The following TYRP1 variants were observed in gnomAD, a reference collection of about 807,000 sequenced individuals.
The protein encoded by TYRP1 is 5,6-dihydroxyindole-2-carboxylic acid oxidase.
Under a neutral mutation model 42.8 loss-of-function variants are expected in TYRP1, and 49 were observed. The observed-to-expected ratio is 1.14, with a 90% CI of 0.91 to 1.45. The LOEUF (loss-of-function observed/expected upper bound fraction) is 1.45, where lower values mean the gene tolerates loss of function less well. Among genes scored for constraint, TYRP1 ranks in the 40% most tolerant of loss-of-function variants. The pLI, the probability that TYRP1 is intolerant of heterozygous loss-of-function variation, is 0.00. For synonymous variants in TYRP1, 279 were observed against 235.4 expected, an observed-to-expected ratio of 1.19 and a Z score of -1.69; for missense variants, 848 against 662.0, an observed-to-expected ratio of 1.28 and a Z score of -3.08.
At chr9:12,695,916 TTCAGAATCA>T in intron 3 of TYRP1, 79 bp downstream of exon 3, 3 of 1,475,416 alleles carry the variant, frequency 2.0e-6, no homozygotes, top group Non-Finnish European at 2.8e-6. Context: ...TTCACTAGTT[TTCAGAATCA>T]TCAGAACATT....
chr9:12,703,774 G>A (rs192633013), intron 5 of TYRP1, among the ~76,000 whole-genome samples: 75 of 151,608 alleles, frequency 4.9e-4, no homozygotes, highest in South Asian at 3.5e-3. Flanking sequence ...TCAACCCTCT[G>A]GTCCTTCAAC....
At chr9:12,695,076 T>G (rs1818054502) in intron 2 of TYRP1, among the ~76,000 whole-genome samples, 1 of 152,158 alleles carries the variant, frequency 6.6e-6, no homozygotes, top group Admixed American at 6.6e-5. Context: ...TATCCACATT[T>G]TAATGATTAA....
Position 12,698,658 on chromosome 9 carries a change from A to C in TYRP1, c.913+3A>C, listed in dbSNP as rs1215054252. On this transcript the variant is annotated splice_donor_region_variant and intron_variant, in intron 4 of 7. Transcript: ENST00000388918. Reference sequence around the variant, plus strand: ...TACCCTGGGAACACTTTGTAACAGTAAGTTCCAAATGATAGCTTGGAGTCA... The same window carrying C: ...TACCCTGGGAACACTTTGTAACAGTCAGTTCCAAATGATAGCTTGGAGTCA... The C allele has an allele frequency of 6.2e-7, 1 of 1,612,662 alleles. No homozygotes were observed. Among genetic ancestry groups the C allele is most frequent in the Non-Finnish European group, 8.5e-7 (1 of 1,178,878 alleles).
intron 4 of TYRP1, 54 bp downstream of exon 4, chr9:12,698,709 A>G: frequency 1.3e-6 from 2 of 1,535,588 alleles, no homozygotes; most frequent in East Asian, 4.5e-5. Flanking sequence ...TAAAGAGATT[A>G]AATATGTTGC....
intron 4 of TYRP1, chr9:12,701,749 C>G (rs1225340938): frequency 6.5e-6 from 1 of 154,204 alleles, no homozygotes. Context: ...CATTATTTCT[C>G]ACATTAATTG....
rs1359909837 is a variant in TYRP1, at chr9:12,709,906, A to G, written c.*724A>G. On this transcript the variant is annotated 3_prime_UTR_variant, in exon 8 of 8. Transcript: ENST00000388918. ...CAATTCGCTGAAAAAGGAACTACCT[A>G]TCCTTACATTTCACCTACTAATGTC... is the stretch of plus-strand genomic sequence containing the variant. 3 of 152,712 alleles carry G rather than the reference A, an allele frequency of 2.0e-5. No homozygotes were observed. In the East Asian group the frequency reaches 5.8e-4, roughly 30 times the overall value. 9.5% of individuals were successfully genotyped at this position (152,712 alleles called of 1,614,324 possible).
chr9:12,709,414 T>A lies in TYRP1; in HGVS notation c.*232T>A, dbSNP rs1393626802. ...AAATGGTGAATGACACTAAACTCCA[T>A]GATATTTAAGGATAGTGTGAAGATC... On this transcript the variant is annotated 3_prime_UTR_variant, in exon 8 of 8. Coordinates refer to ENST00000388918, the MANE Select transcript of TYRP1 (RefSeq NM_000550.3). The A allele has an allele frequency of 3.7e-6, 2 of 535,598 alleles. No homozygotes were observed. The highest frequency in any genetic ancestry group is 1.9e-5 in the African/African-American group (1 of 52,362). The allele number at this position is 535,598 out of a possible 1,614,324, so 33.2% of individuals were successfully genotyped here. A position where few individuals can be genotyped will look rare whatever the true frequency, so the allele number is the denominator to read the frequency against.
chr9:12,709,119 T>G lies in TYRP1; in HGVS notation c.1551T>G (p.Asp517Glu). The G allele has an allele frequency of 6.2e-7, 1 of 1,612,738 alleles. No individual in the cohort carries two copies. Among genetic ancestry groups the G allele is most frequent in the Non-Finnish European group, 8.5e-7 (1 of 1,179,174 alleles). The change falls in exon 8 of 8, where the codon GAT becomes GAG. Residue 517 changes from aspartate to glutamate, a missense_variant. By Grantham distance (45) the Asp-to-Glu change is conservative (BLOSUM62 2). Coordinates refer to ENST00000388918, the MANE Select transcript of TYRP1 (RefSeq NM_000550.3). ...MDEANQPLLTDQYQCYAEEYE... is the reference protein window; with the variant it reads ...MDEANQPLLTEQYQCYAEEYE... The stretch of plus-strand genomic sequence containing the variant: ...AAGCTAACCAGCCTCTCCTCACTGA[T>G]CAGTATCAATGCTATGCTGAAGAAT...
At chr9:12,703,574 C>T (rs914904128) in intron 5 of TYRP1, among the ~76,000 whole-genome samples, 38 of 151,750 alleles carry the variant, frequency 2.5e-4, no homozygotes, top group East Asian at 1.9e-4. Flanking sequence ...TGTCAAGCCA[C>T]GTTCCATATA....
intron 6 of TYRP1, among the ~76,000 whole-genome samples, chr9:12,705,896 A>G (rs1818250612): frequency 1.3e-5 from 2 of 152,030 alleles, no homozygotes; most frequent in African/African-American, 4.8e-5. Context: ...TTTCATGTGT[A>G]TTTATATACA....
chr9:12,706,533 C>T (rs143138362), intron 6 of TYRP1, among the ~76,000 whole-genome samples: 344 of 151,946 alleles, frequency 2.3e-3, no homozygotes, highest in African/African-American at 7.8e-3. Context: ...TTCTCAGTAA[C>T]TTGAATTGTA....
chr9:12,695,360 T>G (rs1818058448), intron 2 of TYRP1, among the ~76,000 whole-genome samples, 155 bp from the exon 3 acceptor site: 1 of 152,062 alleles, frequency 6.6e-6, no homozygotes, highest in Admixed American at 6.5e-5. Context: ...AAGAAAGGGT[T>G]TTAGTTAAGG....
chr9:12,702,552 A>C, intron 5 of TYRP1, 114 bp downstream of exon 5: 2 of 1,103,690 alleles, frequency 1.8e-6, no homozygotes, highest in Non-Finnish European at 2.7e-6. Flanking sequence ...CTGTGTGTTT[A>C]TGTGAATGAG....
rs1312739999 is a variant in TYRP1 at position 12,695,800 on chromosome 9, A to G, written c.671A>G (p.His224Arg). 4 of 1,614,072 alleles carry G rather than the reference A, an allele frequency of 2.5e-6. No homozygotes were observed. The African/African-American group carries it at 4.0e-5, about 16-fold the overall frequency. The change falls in exon 3 of 8, where the codon CAC (histidine) becomes CGC (arginine). Residue 224 changes from histidine to arginine, a missense_variant. His to Arg is a conservative substitution (Grantham distance 29). Transcript: ENST00000388918. ...SHEGPAFLTW[H>R]RYHLLRLEKD... ...GAGGGACCAGCTTTTCTCACATGGCACAGGTACCACCTCCTGCGTCTGGAG... is the reference window on the plus strand; with the variant it reads ...GAGGGACCAGCTTTTCTCACATGGCGCAGGTACCACCTCCTGCGTCTGGAG...
At chr9:12,703,032 A>C (rs1192625607) in intron 5 of TYRP1, among the ~76,000 whole-genome samples, 4 of 152,028 alleles carry the variant, frequency 2.6e-5, no homozygotes, top group African/African-American at 9.7e-5. Flanking sequence ...TACTATCACA[A>C]GATATTCAGC....
intron 7 of TYRP1, 137 bp downstream of exon 7, chr9:12,708,280 G>A (rs983670393): frequency 1.8e-6 from 2 of 1,084,092 alleles, no homozygotes; most frequent in African/African-American, 1.6e-5. Context: ...TTTTATTTGA[G>A]GATAAGGGAA....
Position 12,708,126 on chromosome 9 carries a change from A to G in TYRP1, c.1391A>G (p.Tyr464Cys), listed in dbSNP as rs778258169. ...VTAPDNLGYT[Y>C]EIQWPSREFS... ...GCTCCAGACAACCTGGGATACACTT[A>G]TGAAATTCAATGGCCAAGTGAGTGT... The change falls in exon 7 of 8, where the codon TAT (tyrosine) becomes TGT (cysteine). Residue 464 changes from tyrosine to cysteine, a missense_variant. By Grantham distance (194) the Tyr-to-Cys change is radical. Coordinates refer to ENST00000388918, the MANE Select transcript of TYRP1 (RefSeq NM_000550.3). 3.7e-6 allele frequency: 6 copies of G among 1,612,694 alleles called. No individual in the cohort carries two copies. The African/African-American group carries it at 4.0e-5, about 11-fold the overall frequency.
rs1563857981 is a variant in TYRP1, at chr9:12,708,069, C to T, written c.1334C>T (p.Pro445Leu). 1 of 1,612,686 alleles carries T rather than the reference C, an allele frequency of 6.2e-7. No homozygotes were observed. Among genetic ancestry groups the T allele is most frequent in the Admixed American group, 1.7e-5 (1 of 59,794 alleles). Reference sequence around the variant, plus strand: ...CAATACAACATGGTGCCATTCTGGCCCCCAGTCACCAACACAGAAATGTTT... The same window carrying T: ...CAATACAACATGGTGCCATTCTGGCTCCCAGTCACCAACACAGAAATGTTT... Reference protein sequence around the residue: ...NRQYNMVPFWPPVTNTEMFVT... With the variant: ...NRQYNMVPFWLPVTNTEMFVT... The change falls in exon 7 of 8, where the codon CCC (proline) becomes CTC (leucine). Residue 445 changes from proline to leucine, a missense_variant. Coordinates refer to ENST00000388918, the MANE Select transcript of TYRP1 (RefSeq NM_000550.3).
intron 3 of TYRP1, among the ~76,000 whole-genome samples, chr9:12,697,500 C>T (rs1267445635): frequency 1.3e-5 from 2 of 151,978 alleles, no homozygotes; most frequent in Non-Finnish European, 2.9e-5. Flanking sequence ...GCTTTTGGCT[C>T]TCTAAAACAC....
Sources: allele counts gnomAD v4.1 joint callset (sites outside exome capture counted in the v4.1 genomes callset), GRCh38; gene constraint gnomAD v4.1.1; transcripts MANE v1.5; gene names NCBI Gene and HGNC (gene_info 2026-07-23, HGNC 2026-07-21).